The following CSMD1 variants were observed in gnomAD, a reference collection of about 807,000 sequenced individuals.
CSMD1 encodes the protein CUB and Sushi multiple domains 1.
A neutral mutation model predicts 417.5 loss-of-function variants in CSMD1; 213 were observed. The observed-to-expected ratio is 0.51, with a 90% CI of 0.46 to 0.57. CSMD1 has a LOEUF of 0.57. Ranked by LOEUF, CSMD1 falls within the 20% of genes least tolerant of loss-of-function variation. The pLI is 0.00. For synonymous variants in CSMD1, 2,862 were observed against 1,736.8 expected (o/e 1.65, Z -16.11); for missense variants, 6,923 against 4,529.7 (o/e 1.53, Z -15.17).
rs930887137 is a variant in CSMD1 at position 4,575,423 on chromosome 8, C to G, written c.302+61919G>C. Among the ~76,000 whole-genome samples, 3 of 152,056 alleles carry G rather than the reference C, an allele frequency of 2.0e-5. No individual in the cohort carries two copies. In the South Asian group the frequency reaches 6.2e-4, roughly 31 times the overall value. On this transcript the variant is annotated intron_variant, in intron 2 of 69. Transcript: ENST00000635120. ...GTCCTGGGTTGTAGAACCATTTCCA[C>G]TACATATTGTCTGTGTAACATCCGG...
At chr8:2,944,933 T>C (rs1051293299) in intron 68 of CSMD1, among the ~76,000 whole-genome samples, 2 of 152,192 alleles carry the variant, frequency 1.3e-5, no homozygotes, top group African/African-American at 4.8e-5. Context: ...AAAATCTACG[T>C]GTCACAAGAC....
In CSMD1 at chr8:3,700,839, G is replaced by A. The variant is rs4503121; in HGVS notation, c.1009+7575C>T. On this transcript the variant is annotated intron_variant, in intron 7 of 69. Transcript: ENST00000635120. ...GGGTCTTCATAAGGAATTTGGACTC[G>A]TTCTGCCTGTGACGGGAAACGTTTG... Among the ~76,000 whole-genome samples the A allele has an allele frequency of 9.4e-3, 1,438 of 152,198 alleles. 27 individuals are homozygous for A. Among genetic ancestry groups the A allele is most frequent in the African/African-American group, 0.03 (1,244 of 41,512 alleles).
chr8:4,689,797 G>A (rs774770211), intron 1 of CSMD1, among the ~76,000 whole-genome samples: 1 of 152,068 alleles, frequency 6.6e-6, no homozygotes, highest in African/African-American at 2.4e-5. Context: ...ACTCCATATG[G>A]AATTTATCTA....
chr8:4,872,068 C>G (rs576603700), intron 1 of CSMD1, among the ~76,000 whole-genome samples: 1 of 152,170 alleles, frequency 6.6e-6, no homozygotes, highest in Non-Finnish European at 1.5e-5. Context: ...CTTGCAAATT[C>G]CCTAGTATGT....
chr8:3,822,954 G>C (rs547633675), intron 5 of CSMD1, among the ~76,000 whole-genome samples: 3 of 152,306 alleles, frequency 2.0e-5, no homozygotes, highest in East Asian at 3.9e-4. Context: ...GCTAAGAAAA[G>C]TTGAATCAAC....
intron 26 of CSMD1, among the ~76,000 whole-genome samples, chr8:3,256,084 T>A (rs570989555): frequency 6.6e-6 from 1 of 151,902 alleles, no homozygotes; most frequent in African/African-American, 2.4e-5. Flanking sequence ...TCCCAGGACT[T>A]TGGGGGGCTG....
intron 10 of CSMD1, among the ~76,000 whole-genome samples, chr8:3,547,654 T>C (rs1798731324): frequency 1.3e-5 from 2 of 152,232 alleles, no homozygotes; most frequent in South Asian, 4.1e-4. Context: ...GTAAGTAATA[T>C]TAATTTAAAT....
At position 3,926,108 on chromosome 8, in the gene CSMD1, C is replaced by CACACACACACACACAAACACCAT. The variant is rs1809696342; in HGVS notation, c.818+71794_818+71795insATGGTGTTTGTGTGTGTGTGTGT. Among the ~76,000 whole-genome samples the CACACACACACACACAAACACCAT allele has an allele frequency of 8.8e-4, 70 of 79,220 alleles. 5 individuals are homozygous for CACACACACACACACAAACACCAT. The highest frequency in any genetic ancestry group is 8.2e-3 in the Middle Eastern group (1 of 122). The allele number at this position is 79,220 out of a possible 152,430, so 52.0% of individuals were successfully genotyped here. On this transcript the variant is annotated intron_variant, in intron 5 of 69. Transcript: ENST00000635120. ...ACACACACACACACACACACACACA[C>CACACACACACACACAAACACCAT]ACACACACACACACACACACACACT...
intron 3 of CSMD1, among the ~76,000 whole-genome samples, chr8:4,112,152 G>A (rs1053952760): frequency 6.6e-6 from 1 of 152,184 alleles, no homozygotes. Context: ...GGCATCCAGA[G>A]CTTAAAAGAG....
At chr8:3,784,296 T>G (rs1799330649) in intron 5 of CSMD1, among the ~76,000 whole-genome samples, 1 of 152,184 alleles carries the variant, frequency 6.6e-6, no homozygotes, top group Non-Finnish European at 1.5e-5. Flanking sequence ...AGATAAATAA[T>G]ATTAAATATA....
At chr8:4,235,587 T>A (rs1438182600) in intron 3 of CSMD1, among the ~76,000 whole-genome samples, 2 of 152,304 alleles carry the variant, frequency 1.3e-5, no homozygotes, top group Admixed American at 6.5e-5. Context: ...TTCCATCTAG[T>A]CTTTTCTCTC....
chr8:3,891,315 G>A (rs920237617), intron 5 of CSMD1, among the ~76,000 whole-genome samples: 1 of 152,120 alleles, frequency 6.6e-6, no homozygotes, highest in Non-Finnish European at 1.5e-5. Flanking sequence ...CTCCCAAAGT[G>A]CTGGGATTAC....
intron 37 of CSMD1, among the ~76,000 whole-genome samples, chr8:3,178,756 T>C (rs1821100654): frequency 6.6e-6 from 1 of 152,078 alleles, no homozygotes; most frequent in Admixed American, 6.6e-5. Flanking sequence ...TTTTATTTCA[T>C]GGACATAAAA....
In CSMD1 at chr8:4,460,764, CAAGTA is replaced by C. The variant is rs550279290; in HGVS notation, c.303-40704_303-40700del. ...AGTCAAACAACATCAGAATAGACCTCAAGTAAAGGTAGTAATTTTAAAATTATGCT... is the reference window on the plus strand; with the variant it reads ...AGTCAAACAACATCAGAATAGACCTCAAGGTAGTAATTTTAAAATTATGCT... On this transcript the variant is annotated intron_variant, in intron 2 of 69. Coordinates refer to ENST00000635120, the MANE Select transcript of CSMD1 (RefSeq NM_033225.6). 1.6e-3 allele frequency among the ~76,000 whole-genome samples: 250 copies of C among 152,146 alleles called. 3 individuals are homozygous for C. Among genetic ancestry groups the C allele is most frequent in the African/African-American group, 5.8e-3 (241 of 41,484 alleles).
intron 29 of CSMD1, among the ~76,000 whole-genome samples, 179 bp downstream of exon 29, chr8:3,219,076 A>G (rs1229939674): frequency 6.6e-6 from 1 of 152,118 alleles, no homozygotes; most frequent in Non-Finnish European, 1.5e-5. Flanking sequence ...TTAAAGTAGA[A>G]ATGCACCTCA....
At chr8:3,708,303 G>T (rs1301336828) in intron 7 of CSMD1, 111 bp downstream of exon 7, 1 of 799,122 alleles carries the variant, frequency 1.3e-6, no homozygotes, top group South Asian at 1.6e-5. Context: ...TAGAAAAGAA[G>T]GAAGAGATAA....
chr8:4,851,785 C>T (rs1454715437), intron 1 of CSMD1, among the ~76,000 whole-genome samples: 1 of 152,142 alleles, frequency 6.6e-6, no homozygotes, highest in Non-Finnish European at 1.5e-5. Flanking sequence ...ACTTTTAAGT[C>T]ACCCTCCCCT....
chr8:4,974,092 C>T (rs1462948825), intron 1 of CSMD1, among the ~76,000 whole-genome samples: 2 of 152,174 alleles, frequency 1.3e-5, no homozygotes, highest in Non-Finnish European at 2.9e-5. Flanking sequence ...GCGATCTTGG[C>T]TCACTGCAAT....
intron 3 of CSMD1, among the ~76,000 whole-genome samples, chr8:4,102,884 T>G (rs1043592931): frequency 3.3e-5 from 5 of 152,294 alleles, no homozygotes; most frequent in Admixed American, 3.3e-4. Flanking sequence ...ACCTCTGCAG[T>G]CTAAAGGTTA....
Sources: allele counts gnomAD v4.1 joint callset (sites outside exome capture counted in the v4.1 genomes callset), GRCh38; gene constraint gnomAD v4.1.1; transcripts MANE v1.5; gene names NCBI Gene and HGNC (gene_info 2026-07-23, HGNC 2026-07-21).